Variants in RANBP9 observed in about 807,000 individuals in gnomAD.
RANBP9 encodes RAN binding protein 9.
Under a neutral mutation model 84.3 loss-of-function variants are expected in RANBP9, and 15 were observed. The observed-to-expected ratio is 0.18, with a 90% CI of 0.12 to 0.27. The LOEUF (loss-of-function observed/expected upper bound fraction) is 0.27. Ranked by LOEUF, RANBP9 falls within the 10% of genes least tolerant of loss-of-function variation. The probability of loss-of-function intolerance (pLI) is 1.00; values close to 1 mark genes in which losing one functional copy is unlikely to be tolerated. For missense variants in RANBP9, 809 were observed against 912.8 expected, an observed-to-expected ratio of 0.89 and a Z score of 1.46; for synonymous variants, 392 against 349.6, an observed-to-expected ratio of 1.12 and a Z score of -1.35.
At chr6:13,660,056 C>T (rs1403485919) in intron 2 of RANBP9, among the ~76,000 whole-genome samples, 1 of 152,164 alleles carries the variant, frequency 6.6e-6, no homozygotes, top group Non-Finnish European at 1.5e-5. Flanking sequence ...GTAAGAGGAA[C>T]ATTTTAATAT....
chr6:13,664,104 T>C (rs1765593321), intron 2 of RANBP9, among the ~76,000 whole-genome samples: 1 of 152,154 alleles, frequency 6.6e-6, no homozygotes, highest in African/African-American at 2.4e-5. Flanking sequence ...ACAGATGATA[T>C]GACTGTTTAT....
chr6:13,661,094 G>A (rs1158791834), intron 2 of RANBP9, among the ~76,000 whole-genome samples: 1 of 152,180 alleles, frequency 6.6e-6, no homozygotes, highest in Non-Finnish European at 1.5e-5. Context: ...GGCTGGAATA[G>A]CCTTCTCCTC....
intron 2 of RANBP9, among the ~76,000 whole-genome samples, chr6:13,681,720 T>C (rs1766045269): frequency 1.3e-5 from 2 of 152,206 alleles, no homozygotes; most frequent in Non-Finnish European, 2.9e-5. Flanking sequence ...CAGCTATTTG[T>C]GATACCTCTT....
chr6:13,681,989 G>A (rs975853489), intron 2 of RANBP9, among the ~76,000 whole-genome samples: 2 of 152,006 alleles, frequency 1.3e-5, no homozygotes, highest in African/African-American at 4.8e-5. Context: ...CTCCTGAGTA[G>A]TAGCTGGGAT....
At chr6:13,646,283 C>T (rs1765172754) in intron 5 of RANBP9, among the ~76,000 whole-genome samples, 1 of 152,170 alleles carries the variant, frequency 6.6e-6, no homozygotes, top group Non-Finnish European at 1.5e-5. Context: ...GTGGCGCATG[C>T]CTGTAATCCC....
intron 1 of RANBP9, among the ~76,000 whole-genome samples, chr6:13,707,851 C>A (rs1325947286): frequency 6.6e-6 from 1 of 152,214 alleles, no homozygotes; most frequent in Admixed American, 6.5e-5. Flanking sequence ...ATCATTATAA[C>A]TAAGTCTAAA....
intron 2 of RANBP9, among the ~76,000 whole-genome samples, 160 bp from the exon 3 acceptor site, chr6:13,658,992 G>T (rs1403208822): frequency 6.6e-6 from 1 of 151,972 alleles, no homozygotes; most frequent in Non-Finnish European, 1.5e-5. Flanking sequence ...ACAACAACGG[G>T]CAATATTAAG....
At chr6:13,675,792 T>C (rs191328718) in intron 2 of RANBP9, among the ~76,000 whole-genome samples, 3 of 151,540 alleles carry the variant, frequency 2.0e-5, no homozygotes, top group East Asian at 3.9e-4. Context: ...ACTATTATTA[T>C]CAGTAATAAT....
intron 2 of RANBP9, among the ~76,000 whole-genome samples, chr6:13,681,117 C>G (rs929940744): frequency 6.6e-6 from 1 of 152,162 alleles, no homozygotes; most frequent in African/African-American, 2.4e-5. Flanking sequence ...CTGATACACT[C>G]AACTACCTGG....
At chr6:13,668,790 A>G (rs1000883731) in intron 2 of RANBP9, among the ~76,000 whole-genome samples, 6 of 152,146 alleles carry the variant, frequency 3.9e-5, no homozygotes, top group African/African-American at 1.4e-4. Context: ...ACTTAGTGGT[A>G]AAAGACTGAA....
At chr6:13,665,613 G>A (rs1054529992) in intron 2 of RANBP9, among the ~76,000 whole-genome samples, 42 of 152,152 alleles carry the variant, frequency 2.8e-4, no homozygotes, top group African/African-American at 9.2e-4. Context: ...CCTACCCTAC[G>A]ACCCAGCAAT....
chr6:13,656,965 A>G, intron 4 of RANBP9, 144 bp downstream of exon 4: 3 of 726,200 alleles, frequency 4.1e-6, no homozygotes, highest in Non-Finnish European at 6.4e-6. Flanking sequence ...CCATTTCCTC[A>G]GCTTCTGTCT....
chr6:13,675,465 A>T (rs1765867712), intron 2 of RANBP9, among the ~76,000 whole-genome samples: 1 of 152,194 alleles, frequency 6.6e-6, no homozygotes, highest in Admixed American at 6.5e-5. Flanking sequence ...AAAACAACTT[A>T]TCAAAATTTG....
chr6:13,685,508 A>G (rs1308809963), intron 2 of RANBP9, among the ~76,000 whole-genome samples: 1 of 152,054 alleles, frequency 6.6e-6, no homozygotes, highest in Non-Finnish European at 1.5e-5. Flanking sequence ...AACAGTTTAC[A>G]GTGAGCTATG....
rs369372891 is a variant in RANBP9, at chr6:13,711,106, G to C, written c.400C>G (p.Pro134Ala). 3.8e-6 allele frequency: 6 copies of C among 1,562,120 alleles called. No homozygotes were observed. Among genetic ancestry groups the C allele is most frequent in the Non-Finnish European group, 4.3e-6 (5 of 1,154,234 alleles). The change falls in exon 1 of 14, where the codon CCT (proline) becomes GCT (alanine). Residue 134 changes from proline to alanine, a missense_variant. Transcript: ENST00000011619. The part of the protein sequence containing the change: ...VAGSSAAAPF[P>A]HGDSALNEQE... ...TCGTTCAGGGCCGAGTCCCCGTGAG[G>C]GAAGGGGGCCGCGGCGCTGCTGCCC...
chr6:13,683,293 A>G (rs1444425533), intron 2 of RANBP9, among the ~76,000 whole-genome samples: 4 of 152,224 alleles, frequency 2.6e-5, no homozygotes, highest in Admixed American at 2.0e-4. Flanking sequence ...AGAATTCAAT[A>G]TATCTGAGAT....
chr6:13,669,961 A>G (rs1437758848), intron 2 of RANBP9, among the ~76,000 whole-genome samples: 3 of 151,004 alleles, frequency 2.0e-5, no homozygotes, highest in Non-Finnish European at 4.4e-5. Context: ...TTTTTTTTTC[A>G]ACAAATGGTA....
At chr6:13,708,946 AAAT>A (rs748215115) in intron 1 of RANBP9, among the ~76,000 whole-genome samples, 3 of 152,174 alleles carry the variant, frequency 2.0e-5, no homozygotes, top group Non-Finnish European at 4.4e-5. Context: ...AAGAGAGGAA[AAAT>A]AAAAGGATAA....
intron 2 of RANBP9, among the ~76,000 whole-genome samples, chr6:13,692,259 G>A (rs1183549543): frequency 6.6e-6 from 1 of 152,100 alleles, no homozygotes; most frequent in Non-Finnish European, 1.5e-5. Context: ...AGTTTGGCCA[G>A]GCGCGGTGGC....
Sources: gnomAD v4.1 joint callset for allele counts (sites outside exome capture counted in the v4.1 genomes callset) on GRCh38, gnomAD v4.1.1 for gene constraint, MANE v1.5 for transcripts, NCBI Gene and HGNC (gene_info 2026-07-23, HGNC 2026-07-21) for gene names.